The following ITGA1 variants were observed in gnomAD, a reference collection of about 807,000 sequenced individuals.
The protein encoded by ITGA1 is integrin alpha-1.
Under a neutral mutation model 145.9 loss-of-function variants are expected in ITGA1, and 85 were observed. The ratio of observed to expected loss-of-function variants is 0.58; its 90% CI spans 0.49 to 0.70. The LOEUF (loss-of-function observed/expected upper bound fraction) is 0.70. Ranked by LOEUF, ITGA1 falls within the 30% of genes least tolerant of loss-of-function variation. ITGA1 has a pLI of 0.00. For missense variants in ITGA1, 1,351 were observed against 1,418.7 expected (o/e 0.95, Z 0.77); for synonymous variants, 520 against 495.3 (o/e 1.05, Z -0.66).
chr5:52,805,374 A>G (rs1289185695), intron 1 of ITGA1, among the ~76,000 whole-genome samples: 2 of 152,174 alleles, frequency 1.3e-5, no homozygotes, highest in Non-Finnish European at 2.9e-5. Flanking sequence ...TGGTTAAAAA[A>G]ATGCATATTA....
At chr5:52,802,863 A>G (rs1580031576) in intron 1 of ITGA1, 2 of 152,174 alleles carry the variant, frequency 1.3e-5, no homozygotes, top group Non-Finnish European at 2.9e-5. Context: ...ACTCTTTACT[A>G]TCATTGACTT....
chr5:52,911,033 C>G (rs62651792), intron 14 of ITGA1, among the ~76,000 whole-genome samples: 376 of 7,044 alleles, frequency 0.053, no homozygotes, highest in South Asian at 0.13. Flanking sequence ...AGTATGTATA[C>G]TGTATATACT....
chr5:52,788,560 G>C (rs902175597), intron 1 of ITGA1, 146 bp downstream of exon 1: 64 of 598,520 alleles, frequency 1.1e-4, no homozygotes, highest in African/African-American at 2.4e-4. Context: ...GCCAGGCTAC[G>C]GGGCAGGCAG....
rs1022260970 is a variant in ITGA1, at chr5:52,882,029, G to A, written c.773+8G>A. The stretch of plus-strand genomic sequence containing the variant: ...TGGAATAGACACAGCAAGGTATATG[G>A]ATAAAAAAATAAACTAAAGTAAAAG... On this transcript the variant is annotated splice_region_variant and intron_variant, in intron 7 of 28. Coordinates refer to ENST00000282588, the MANE Select transcript of ITGA1 (RefSeq NM_181501.2). The A allele has an allele frequency of 6.4e-7, 1 of 1,554,828 alleles. No individual in the cohort carries two copies. Among genetic ancestry groups the A allele is most frequent in the Non-Finnish European group, 8.7e-7 (1 of 1,149,636 alleles).
In ITGA1 at chr5:52,884,484, G is replaced by C. The variant is rs144285342; in HGVS notation, c.773+2463G>C. On this transcript the variant is annotated intron_variant, in intron 7 of 28. Transcript: ENST00000282588. ...AAAAGCCAGAAAATCTACTTGTATAGTATGTTAAAAATTATTCATGATATT... is the reference window on the plus strand; with the variant it reads ...AAAAGCCAGAAAATCTACTTGTATACTATGTTAAAAATTATTCATGATATT... Among the ~76,000 whole-genome samples the C allele has an allele frequency of 2.7e-3, 398 of 150,120 alleles. 4 individuals are homozygous for C. The highest frequency in any genetic ancestry group is 9.2e-3 in the African/African-American group (377 of 40,872).
At chr5:52,895,517 A>G (rs973946701) in intron 9 of ITGA1, among the ~76,000 whole-genome samples, 1 of 152,232 alleles carries the variant, frequency 6.6e-6, no homozygotes, top group African/African-American at 2.4e-5. Flanking sequence ...ATCTGTAAAA[A>G]TAATTTAAAA....
At chr5:52,881,733 G>A in intron 6 of ITGA1, 140 bp from the exon 7 acceptor site, 1 of 633,734 alleles carries the variant, frequency 1.6e-6, no homozygotes, top group Non-Finnish European at 2.6e-6. Context: ...GCTTATTACT[G>A]TCAAAATAGA....
rs572468219 is a variant in ITGA1, at chr5:52,794,148, C to A, written c.61+5734C>A. ...AAGTAAGAGATCTGAAATGAGAAAT[C>A]ATTGTAATTCAAATATGCAAAGGAG... On this transcript the variant is annotated intron_variant, in intron 1 of 28. Transcript: ENST00000282588. Among the ~76,000 whole-genome samples the A allele has an allele frequency of 3.1e-4, 47 of 151,960 alleles. No individual in the cohort carries two copies. The Middle Eastern group carries it at 0.014, about 44-fold the overall frequency.
At chr5:52,809,474 A>G (rs541150969) in intron 1 of ITGA1, among the ~76,000 whole-genome samples, 7 of 146,498 alleles carry the variant, frequency 4.8e-5, no homozygotes, top group South Asian at 4.4e-4. Flanking sequence ...ACCTGAGATT[A>G]TTCCTCTTTT....
At chr5:52,942,473 C>T (rs927295587) in intron 26 of ITGA1, among the ~76,000 whole-genome samples, 1 of 149,754 alleles carries the variant, frequency 6.7e-6, no homozygotes, top group Non-Finnish European at 1.5e-5. Context: ...GATCTCTTAC[C>T]TCCTTGGTTA....
chr5:52,839,122 C>G (rs1026208610), intron 1 of ITGA1, among the ~76,000 whole-genome samples: 1 of 151,986 alleles, frequency 6.6e-6, no homozygotes, highest in Non-Finnish European at 1.5e-5. Context: ...ACTACAACAA[C>G]AACAACAAAG....
chr5:52,901,825 T>G (rs942466764), intron 11 of ITGA1: 6 of 152,230 alleles, frequency 3.9e-5, no homozygotes, highest in South Asian at 2.1e-4. Flanking sequence ...AGGAAATTTT[T>G]GGGTATGTTT....
chr5:52,815,869 C>T (rs570068277), intron 1 of ITGA1, among the ~76,000 whole-genome samples: 1 of 152,246 alleles, frequency 6.6e-6, no homozygotes, highest in Non-Finnish European at 1.5e-5. Flanking sequence ...TAATAAATAA[C>T]TACAGCTGAG....
rs759008272 is a variant in ITGA1, at chr5:52,939,678, G to A, written c.3167G>A (p.Arg1056Gln). ...KMTTSTDHLK[R>Q]GTILDCNTCK... ...ACTACATCAACTGACCATCTCAAAC[G>A]AGGCACAATTCTGGTAAATTAAGAC... The change falls in exon 25 of 29, where the codon CGA (arginine) becomes CAA (glutamine). Residue 1056 changes from arginine to glutamine, a missense_variant. By Grantham distance (43) the Arg-to-Gln change is conservative (BLOSUM62 1). Coordinates refer to ENST00000282588, the MANE Select transcript of ITGA1 (RefSeq NM_181501.2). 4.3e-6 allele frequency: 7 copies of A among 1,610,174 alleles called. No homozygotes were observed. The highest frequency in any genetic ancestry group is 1.7e-5 in the Admixed American group (1 of 59,944).
chr5:52,855,439 G>A (rs1007728379), intron 2 of ITGA1, among the ~76,000 whole-genome samples: 1 of 152,138 alleles, frequency 6.6e-6, no homozygotes, highest in African/African-American at 2.4e-5. Flanking sequence ...ACTTGACACA[G>A]TCGTTAATTC....
chr5:52,884,537 T>C (rs1750017912), intron 7 of ITGA1, among the ~76,000 whole-genome samples: 1 of 151,516 alleles, frequency 6.6e-6, no homozygotes, highest in Admixed American at 6.6e-5. Context: ...AAGACATCAC[T>C]CAAGAGGAAC....
At chr5:52,817,114 T>C (rs1338120020) in intron 1 of ITGA1, among the ~76,000 whole-genome samples, 3 of 152,218 alleles carry the variant, frequency 2.0e-5, no homozygotes, top group Non-Finnish European at 4.4e-5. Context: ...ATTTGAGGAA[T>C]TTTTTTCCAT....
Position 52,955,742 on chromosome 5 carries a change from C to T in ITGA1, c.*3291C>T, listed in dbSNP as rs550445755. 6.6e-6 allele frequency: 1 copy of T among 152,202 alleles called. No individual in the cohort carries two copies. The highest frequency in any genetic ancestry group is 1.5e-5 in the Non-Finnish European group (1 of 68,008). 9.4% of individuals were successfully genotyped at this position (152,202 alleles called of 1,614,324 possible). ...GACACTTTGTAAATATTTTGAACTT[C>T]TATGATCCAATTTCAACTTCATTGG... On this transcript the variant is annotated 3_prime_UTR_variant, in exon 29 of 29. Coordinates refer to ENST00000282588, the MANE Select transcript of ITGA1 (RefSeq NM_181501.2).
intron 1 of ITGA1, among the ~76,000 whole-genome samples, chr5:52,848,825 G>C (rs555377351): frequency 5.3e-5 from 8 of 151,590 alleles, no homozygotes; most frequent in African/African-American, 1.7e-4. Flanking sequence ...AGAACATGCG[G>C]TGTTTGGTTT....
Sources: allele counts gnomAD v4.1 joint callset (sites outside exome capture counted in the v4.1 genomes callset), GRCh38; gene constraint gnomAD v4.1.1; transcripts MANE v1.5; gene names NCBI Gene and HGNC (gene_info 2026-07-23, HGNC 2026-07-21).